Variants in ROR1 observed in about 807,000 individuals in gnomAD.
ROR1 encodes the protein ROR family WNT receptor 1, also known as inactive tyrosine-protein kinase transmembrane receptor ROR1.
A neutral mutation model predicts 78.8 loss-of-function variants in ROR1; 19 were observed. That is an observed-to-expected ratio of 0.24 (90% CI 0.17 to 0.35). The LOEUF (loss-of-function observed/expected upper bound fraction) is 0.35, where lower values mean the gene tolerates loss of function less well. Among genes scored for constraint, ROR1 ranks in the 10% least tolerant of loss-of-function variants. The pLI is 1.00. For missense variants in ROR1, 917 were observed against 1,177.8 expected (o/e 0.78, Z 3.24); for synonymous variants, 386 against 433.6 (o/e 0.89, Z 1.36).
intron 1 of ROR1, among the ~76,000 whole-genome samples, chr1:63,940,498 C>CAGATAGGT (rs1645829488): frequency 1.3e-5 from 1 of 75,138 alleles, no homozygotes; most frequent in Non-Finnish European, 3.7e-5. Flanking sequence ...GATAGACAGA[C>CAGATAGGT]AGATAGATAG....
At chr1:63,898,608 G>C (rs1013731890) in intron 1 of ROR1, among the ~76,000 whole-genome samples, 2 of 151,758 alleles carry the variant, frequency 1.3e-5, no homozygotes, top group African/African-American at 2.4e-5. Flanking sequence ...AAAAAGGAAA[G>C]AAGAGAGGGA....
At position 64,091,787 on chromosome 1, in the gene ROR1, G is replaced by C. The variant is rs146578401; in HGVS notation, c.482+41071G>C. On this transcript the variant is annotated intron_variant, in intron 4 of 8. Transcript: ENST00000371079. ...TTCTCCTACTCTGTTCCCAACATAA[G>C]ATTTAGCATGAAGCCATGCCTTTTC... 1.6e-3 allele frequency among the ~76,000 whole-genome samples: 238 copies of C among 152,020 alleles called. 3 individuals are homozygous for C. Among genetic ancestry groups the C allele is most frequent in the African/African-American group, 5.4e-3 (224 of 41,476 alleles).
intron 1 of ROR1, among the ~76,000 whole-genome samples, chr1:63,962,963 G>A (rs1191263329): frequency 1.3e-5 from 2 of 152,128 alleles, no homozygotes; most frequent in Non-Finnish European, 2.9e-5. Context: ...TGGACATATA[G>A]GGTAGAGATT....
intron 1 of ROR1, among the ~76,000 whole-genome samples, chr1:63,934,825 T>A (rs1645781480): frequency 6.6e-6 from 1 of 152,168 alleles, no homozygotes; most frequent in Non-Finnish European, 1.5e-5. Flanking sequence ...CAAATTGGCC[T>A]TTCAGACTGA....
At chr1:63,949,276 A>G (rs1011747291) in intron 1 of ROR1, among the ~76,000 whole-genome samples, 2 of 152,088 alleles carry the variant, frequency 1.3e-5, no homozygotes, top group African/African-American at 4.8e-5. Context: ...CTGATTACCT[A>G]TTGCTCCTTA....
intron 4 of ROR1, among the ~76,000 whole-genome samples, chr1:64,120,622 T>C (rs750862754): frequency 9.2e-5 from 14 of 152,136 alleles, no homozygotes; most frequent in Non-Finnish European, 1.8e-4. Flanking sequence ...TGTGGCTAGT[T>C]GCTACCATAC....
At chr1:64,046,010 C>T (rs1231522922) in intron 2 of ROR1, among the ~76,000 whole-genome samples, 1 of 152,170 alleles carries the variant, frequency 6.6e-6, no homozygotes, top group African/African-American at 2.4e-5. Flanking sequence ...GAAAAAGGTA[C>T]AAACAGCCAG....
chr1:64,166,718 G>A (rs1650098062), intron 8 of ROR1, among the ~76,000 whole-genome samples: 1 of 152,158 alleles, frequency 6.6e-6, no homozygotes, highest in African/African-American at 2.4e-5. Flanking sequence ...TATAGAGGTA[G>A]CTCTTTGGAC....
chr1:63,813,951 A>AT (rs1247366514), intron 1 of ROR1, among the ~76,000 whole-genome samples: 2 of 152,066 alleles, frequency 1.3e-5, no homozygotes, highest in African/African-American at 4.8e-5. Context: ...CTGACTCAGA[A>AT]TTTTTTCCCC....
chr1:63,900,260 C>T (rs1450535339), intron 1 of ROR1, among the ~76,000 whole-genome samples: 1 of 151,956 alleles, frequency 6.6e-6, no homozygotes, highest in African/African-American at 2.4e-5. Flanking sequence ...TCGAGATCAC[C>T]CTGGCCAACA....
chr1:64,143,372 A>G (rs1557672488), intron 7 of ROR1: 2 of 980,726 alleles, frequency 2.0e-6, no homozygotes, highest in Non-Finnish European at 2.4e-6. Flanking sequence ...AAAAAGAAAA[A>G]AAAAAAAAGA....
At chr1:63,836,382 T>A (rs1167204073) in intron 1 of ROR1, among the ~76,000 whole-genome samples, 1 of 152,176 alleles carries the variant, frequency 6.6e-6, no homozygotes, top group African/African-American at 2.4e-5. Context: ...ATAAATAGTG[T>A]CTATAGATGT....
intron 7 of ROR1, among the ~76,000 whole-genome samples, chr1:64,147,554 G>A (rs1239551829): frequency 2.0e-5 from 3 of 152,164 alleles, no homozygotes; most frequent in Non-Finnish European, 4.4e-5. Context: ...GTGCTCAGGG[G>A]TATGCGTGTC....
At chr1:64,133,698 T>G (rs577138879) in intron 4 of ROR1, among the ~76,000 whole-genome samples, 3 of 152,230 alleles carry the variant, frequency 2.0e-5, no homozygotes, top group Non-Finnish European at 4.4e-5. Context: ...CAAATTCCAT[T>G]TGCCCTTTCA....
At chr1:64,093,088 C>T (rs1257884847) in intron 4 of ROR1, among the ~76,000 whole-genome samples, 4 of 152,126 alleles carry the variant, frequency 2.6e-5, no homozygotes, top group East Asian at 3.9e-4. Flanking sequence ...TAAGCAACGC[C>T]GGGTTGTTCA....
chr1:64,172,467 A>G (rs1031800592), intron 8 of ROR1, among the ~76,000 whole-genome samples: 45 of 152,184 alleles, frequency 3.0e-4, no homozygotes, highest in African/African-American at 1.1e-3. Context: ...AAAAATGTTA[A>G]CATTGAAACT....
chr1:63,912,691 G>A (rs751730594), intron 1 of ROR1, among the ~76,000 whole-genome samples: 6 of 152,130 alleles, frequency 3.9e-5, no homozygotes, highest in African/African-American at 9.7e-5. Context: ...AAGAGGCTGG[G>A]TTGCCTTGTT....
chr1:64,086,612 G>A (rs1006085003), intron 4 of ROR1, among the ~76,000 whole-genome samples: 7 of 152,182 alleles, frequency 4.6e-5, no homozygotes, highest in Admixed American at 6.5e-5. Context: ...TTACCTTTGA[G>A]TATGGTGTGT....
intron 1 of ROR1, chr1:63,788,696 A>G (rs1421615926): frequency 7.7e-5 from 27 of 350,840 alleles, no homozygotes; most frequent in Admixed American, 6.4e-4. Flanking sequence ...GCCAGTATGT[A>G]CAGACAAAGT....
Sources: gnomAD v4.1 joint callset for allele counts (sites outside exome capture counted in the v4.1 genomes callset) on GRCh38, gnomAD v4.1.1 for gene constraint, MANE v1.5 for transcripts, NCBI Gene and HGNC (gene_info 2026-07-23, HGNC 2026-07-21) for gene names.